WWC2: variants seen among roughly 807,000 people sequenced by gnomAD.
The protein encoded by WWC2 is protein WWC2.
A neutral mutation model predicts 138.5 loss-of-function variants in WWC2; 101 were observed. The ratio of observed to expected loss-of-function variants is 0.73; its 90% CI spans 0.62 to 0.86. WWC2 has a LOEUF of 0.86. Ranked by LOEUF, WWC2 falls within the 40% of genes least tolerant of loss-of-function variation. The pLI, the probability that WWC2 is intolerant of heterozygous loss-of-function variation, is 0.00. For synonymous variants in WWC2, 558 were observed against 538.4 expected (o/e 1.04, Z -0.50); for missense variants, 1,420 against 1,419.4 (o/e 1.00, Z -0.01).
Position 183,291,247 on chromosome 4 carries a change from G to A in WWC2, c.3384+1612G>A, listed in dbSNP as rs190847937. Among the ~76,000 whole-genome samples the A allele has an allele frequency of 3.3e-3, 500 of 152,262 alleles. 1 individual carries two copies. The highest frequency in any genetic ancestry group is 0.027 in the Middle Eastern group (8 of 294). On this transcript the variant is annotated intron_variant, in intron 21 of 22. Coordinates refer to ENST00000403733, the MANE Select transcript of WWC2 (RefSeq NM_024949.6). ...GGCACTTGAACTGGCTTTTAAAGTG[G>A]GTAGTGGAGCTTCACAGCGGGGAGA...
chr4:183,214,231 G>A (rs1483453616), intron 4 of WWC2, among the ~76,000 whole-genome samples: 1 of 152,136 alleles, frequency 6.6e-6, no homozygotes, highest in African/African-American at 2.4e-5. Context: ...ATTAATAACA[G>A]TATACTATCT....
At chr4:183,137,274 CT>C (rs1362877111) in intron 1 of WWC2, among the ~76,000 whole-genome samples, 2 of 152,106 alleles carry the variant, frequency 1.3e-5, no homozygotes, top group South Asian at 2.1e-4. Flanking sequence ...AACTTTTTGA[CT>C]TTTTTTAAAT....
At chr4:183,102,168 C>CT (rs1481812528) in intron 1 of WWC2, among the ~76,000 whole-genome samples, 1 of 152,150 alleles carries the variant, frequency 6.6e-6, no homozygotes, top group Non-Finnish European at 1.5e-5. Context: ...CTTTTATTGA[C>CT]TAAGTTTACG....
At chr4:183,108,872 G>A (rs1393460983) in intron 1 of WWC2, among the ~76,000 whole-genome samples, 2 of 152,144 alleles carry the variant, frequency 1.3e-5, no homozygotes, top group Non-Finnish European at 2.9e-5. Context: ...GCCTCCCAAA[G>A]TGCTGGGATT....
chr4:183,307,052 A>G (rs76191253), intron 21 of WWC2, among the ~76,000 whole-genome samples: 2,532 of 152,258 alleles, frequency 0.017, 39 homozygotes, highest in Non-Finnish European at 0.024. Flanking sequence ...ATGACAACAG[A>G]TGGCACACTC....
intron 21 of WWC2, among the ~76,000 whole-genome samples, chr4:183,311,286 A>G (rs977551187): frequency 6.6e-6 from 1 of 152,234 alleles, no homozygotes; most frequent in African/African-American, 2.4e-5. Context: ...ATTGTAGTAA[A>G]GTCATACAGT....
chr4:183,259,410 T>A (rs1295352137), intron 9 of WWC2, among the ~76,000 whole-genome samples: 1 of 152,156 alleles, frequency 6.6e-6, no homozygotes, highest in African/African-American at 2.4e-5. Flanking sequence ...CCAGCAATTT[T>A]AAATTCTCAG....
At chr4:183,125,986 G>A (rs866035206) in intron 1 of WWC2, among the ~76,000 whole-genome samples, 21 of 152,332 alleles carry the variant, frequency 1.4e-4, no homozygotes, top group Middle Eastern at 3.4e-3. Flanking sequence ...ATTTAAGGAG[G>A]CACTTGCTCT....
intron 21 of WWC2, among the ~76,000 whole-genome samples, chr4:183,296,793 G>A (rs191582607): frequency 3.1e-3 from 477 of 151,952 alleles, no homozygotes; most frequent in Non-Finnish European, 3.6e-3. Flanking sequence ...AATTAGCGAG[G>A]CATGGTGGCA....
rs1335458393 is a variant in WWC2 at position 183,265,779 on chromosome 4, T to C, written c.2120+11T>C. The C allele has an allele frequency of 1.2e-6, 2 of 1,610,050 alleles. No homozygotes were observed. The highest frequency in any genetic ancestry group is 2.2e-5 in the East Asian group (1 of 44,810). On this transcript the variant is annotated intron_variant, in intron 13 of 22. Transcript: ENST00000403733. ...TCAGATAGGACTCAGGTAAGGAATG[T>C]ACGTGGGAAAGGAGCAGTTCTGACA...
intron 15 of WWC2, 104 bp downstream of exon 15, chr4:183,269,267 C>A: frequency 9.0e-7 from 1 of 1,114,524 alleles, no homozygotes; most frequent in Non-Finnish European, 1.3e-6. Flanking sequence ...TCACTACAGA[C>A]CTGCCCAACA....
chr4:183,262,733 C>A (rs1331074017), intron 11 of WWC2, among the ~76,000 whole-genome samples: 2 of 152,154 alleles, frequency 1.3e-5, no homozygotes, highest in African/African-American at 4.8e-5. Context: ...CAGAAAGCCG[C>A]GTGGGGCCTT....
At chr4:183,243,940 A>T (rs915946541) in intron 5 of WWC2, among the ~76,000 whole-genome samples, 2 of 152,186 alleles carry the variant, frequency 1.3e-5, no homozygotes, top group African/African-American at 4.8e-5. Flanking sequence ...GGGGAAATAC[A>T]TTATCTATAA....
At chr4:183,164,336 TAC>T (rs1734061089) in intron 1 of WWC2, among the ~76,000 whole-genome samples, 4 of 758 alleles carry the variant, frequency 5.3e-3, no homozygotes, top group African/African-American at 0.01. Flanking sequence ...TATATATATA[TAC>T]ATATATATAT....
At chr4:183,194,789 T>C (rs1466599253) in intron 2 of WWC2, among the ~76,000 whole-genome samples, 1 of 152,204 alleles carries the variant, frequency 6.6e-6, no homozygotes, top group African/African-American at 2.4e-5. Flanking sequence ...TGAGCACATA[T>C]GGTTAGTGAT....
intron 1 of WWC2, among the ~76,000 whole-genome samples, chr4:183,105,863 C>T (rs1743338579): frequency 6.7e-6 from 1 of 150,164 alleles, no homozygotes; most frequent in African/African-American, 2.5e-5. Flanking sequence ...GCACTCCAGC[C>T]TGGGTGACAG....
chr4:183,211,545 G>A lies in WWC2; in HGVS notation c.522+2520G>A, dbSNP rs77633325. 2.8e-3 allele frequency among the ~76,000 whole-genome samples: 424 copies of A among 152,248 alleles called. 4 individuals carry two copies. In the East Asian group the frequency reaches 0.029, roughly 11 times the overall value. Reference sequence around the variant, plus strand: ...GGCTTCAGTCCTTCTCTAAGGGCGGGTCAATTTCCAGTTTCCCTTTTCTTT... The same window carrying A: ...GGCTTCAGTCCTTCTCTAAGGGCGGATCAATTTCCAGTTTCCCTTTTCTTT... On this transcript the variant is annotated intron_variant, in intron 4 of 22. Transcript: ENST00000403733.
At chr4:183,222,521 CAA>C (rs1229240512) in intron 4 of WWC2, among the ~76,000 whole-genome samples, 12 of 151,710 alleles carry the variant, frequency 7.9e-5, no homozygotes, top group African/African-American at 2.9e-4. Context: ...AGGATATAAA[CAA>C]ATTTTAATAA....
chr4:183,318,243 A>G lies in WWC2; in HGVS notation c.*2514A>G, dbSNP rs917291788. ...GTACAAAAAGAATATTGCTAGCCAA[A>G]TGAACAAAGTTTAGCTAAATCTCTG... is the stretch of plus-strand genomic sequence containing the variant. On this transcript the variant is annotated 3_prime_UTR_variant, in exon 23 of 23. Transcript: ENST00000403733. 2 of 152,644 alleles carry G rather than the reference A, an allele frequency of 1.3e-5. No individual in the cohort carries two copies. Among genetic ancestry groups the G allele is most frequent in the African/African-American group, 4.8e-5 (2 of 41,464 alleles). 9.5% of individuals were successfully genotyped at this position (152,644 alleles called of 1,614,324 possible). A position where few individuals can be genotyped will look rare whatever the true frequency, so the allele number is the denominator to read the frequency against.
Sources: allele counts gnomAD v4.1 joint callset (sites outside exome capture counted in the v4.1 genomes callset), GRCh38; gene constraint gnomAD v4.1.1; transcripts MANE v1.5; gene names NCBI Gene and HGNC (gene_info 2026-07-23, HGNC 2026-07-21).